The following COL5A2 variants were observed in gnomAD, a reference collection of about 807,000 sequenced individuals.
COL5A2 encodes collagen type V alpha 2 chain, also known as collagen alpha-2(V) chain.
A neutral mutation model predicts 208.2 loss-of-function variants in COL5A2; 23 were observed. That is an observed-to-expected ratio of 0.11 (90% CI 0.08 to 0.16). The LOEUF is 0.16. COL5A2 is among the 10% of genes least tolerant of loss of function. COL5A2 has a pLI of 1.00. For synonymous variants in COL5A2, 625 were observed against 628.5 expected, an observed-to-expected ratio of 0.99 and a Z score of 0.08; for missense variants, 1,590 against 1,956.4, an observed-to-expected ratio of 0.81 and a Z score of 3.53.
the COL5A2 span, among the ~76,000 whole-genome samples, chr2:189,395,530 A>C: frequency 3.9e-5 from 6 of 152,294 alleles, no homozygotes; most frequent in East Asian, 1.2e-3. Flanking sequence ...AATTTATATT[A>C]GTTAGTAATG....
chr2:189,428,252 T>TA, the COL5A2 span, among the ~76,000 whole-genome samples: 71 of 151,968 alleles, frequency 4.7e-4, 1 homozygote, highest in African/African-American at 1.7e-3. Context: ...ATCATGGGGG[T>TA]GGTTTCTCAT....
At chr2:189,040,050 T>C (rs1021161058) in intron 50 of COL5A2, among the ~76,000 whole-genome samples, 5 of 152,176 alleles carry the variant, frequency 3.3e-5, no homozygotes, top group African/African-American at 9.7e-5. Flanking sequence ...AAGAGAATTA[T>C]ACTCCTACTT....
chr2:189,390,280 A>C, the COL5A2 span, among the ~76,000 whole-genome samples: 11 of 152,198 alleles, frequency 7.2e-5, no homozygotes, highest in African/African-American at 2.4e-4. Context: ...AAAGATATAC[A>C]TAGTCACAGC....
chr2:189,092,496 T>G, intron 6 of COL5A2, 76 bp from the exon 7 acceptor site: 1 of 866,962 alleles, frequency 1.2e-6, no homozygotes, highest in Non-Finnish European at 1.9e-6. Flanking sequence ...CACAGACTTC[T>G]TAATGGCAAG....
At chr2:189,306,817 A>C in the COL5A2 span, among the ~76,000 whole-genome samples, 5 of 152,206 alleles carry the variant, frequency 3.3e-5, no homozygotes, top group Non-Finnish European at 7.3e-5. Flanking sequence ...AGAGTTTATC[A>C]CTTGCTCTTG....
intron 1 of COL5A2, among the ~76,000 whole-genome samples, chr2:189,200,936 C>T (rs1689061036): frequency 1.3e-5 from 2 of 152,014 alleles, no homozygotes; most frequent in African/African-American, 4.8e-5. Context: ...AATGTAAGTC[C>T]TTACTGGCAG....
chr2:189,289,485 T>A, the COL5A2 span, among the ~76,000 whole-genome samples: 1 of 152,090 alleles, frequency 6.6e-6, no homozygotes, highest in Non-Finnish European at 1.5e-5. Flanking sequence ...ACGACAAGGA[T>A]GCCCACTCTT....
the COL5A2 span, among the ~76,000 whole-genome samples, chr2:189,319,446 A>T: frequency 6.6e-6 from 1 of 152,232 alleles, no homozygotes; most frequent in Non-Finnish European, 1.5e-5. Flanking sequence ...CTGCACCTGG[A>T]AAATCAGGTC....
chr2:189,296,210 T>A, the COL5A2 span, among the ~76,000 whole-genome samples: 1 of 152,146 alleles, frequency 6.6e-6, no homozygotes, highest in East Asian at 1.9e-4. Context: ...TCCAATCTAC[T>A]GTTAAGGCCA....
chr2:189,367,770 G>A, the COL5A2 span, among the ~76,000 whole-genome samples: 1 of 152,150 alleles, frequency 6.6e-6, no homozygotes. Flanking sequence ...ATCTTCATGT[G>A]ACAGCAGAAA....
chr2:189,261,112 C>T, the COL5A2 span, among the ~76,000 whole-genome samples: 1 of 151,850 alleles, frequency 6.6e-6, no homozygotes, highest in South Asian at 2.1e-4. Flanking sequence ...AAAAAATTAC[C>T]GAGAATAAGA....
At chr2:189,239,420 C>A in the COL5A2 span, among the ~76,000 whole-genome samples, 3 of 151,712 alleles carry the variant, frequency 2.0e-5, no homozygotes, top group Admixed American at 2.0e-4. Flanking sequence ...TTACAAGGGG[C>A]AGAGGGAGGC....
upstream of COL5A2, among the ~76,000 whole-genome samples, chr2:189,183,084 T>C (rs1182749280): frequency 6.6e-6 from 1 of 152,178 alleles, no homozygotes; most frequent in African/African-American, 2.4e-5. Flanking sequence ...TTCCATTCCT[T>C]CTTCTTTCAG....
the COL5A2 span, among the ~76,000 whole-genome samples, chr2:189,392,627 T>C: frequency 2.0e-5 from 3 of 152,020 alleles, no homozygotes; most frequent in Non-Finnish European, 2.9e-5. Flanking sequence ...TCCCAGGCTG[T>C]AAAAAGCTTA....
chr2:189,249,676 T>C, the COL5A2 span, among the ~76,000 whole-genome samples: 1 of 152,248 alleles, frequency 6.6e-6, no homozygotes, highest in East Asian at 1.9e-4. Flanking sequence ...TTAAGGCCAG[T>C]GTAGTTATCT....
At chr2:189,311,615 A>G in the COL5A2 span, 2 of 948,110 alleles carry the variant, frequency 2.1e-6, no homozygotes, top group Non-Finnish European at 3.3e-6. Context: ...CAGATTTCTC[A>G]TAGAGTCCAG....
At chr2:189,084,213 A>AT (rs1420748512) in intron 11 of COL5A2, among the ~76,000 whole-genome samples, 176 bp from the exon 12 acceptor site, 1 of 152,218 alleles carries the variant, frequency 6.6e-6, no homozygotes, top group African/African-American at 2.4e-5. Context: ...TATATTCCTG[A>AT]TAGTACTCCA....
At chr2:189,348,811 G>A in the COL5A2 span, among the ~76,000 whole-genome samples, 1 of 152,142 alleles carries the variant, frequency 6.6e-6, no homozygotes, top group Admixed American at 6.6e-5. Context: ...GTGAGCAGCT[G>A]CATGCACATC....
chr2:189,160,554 T>C (rs1468922009), intron 1 of COL5A2, among the ~76,000 whole-genome samples: 1 of 152,186 alleles, frequency 6.6e-6, no homozygotes, highest in Non-Finnish European at 1.5e-5. Context: ...TAGGGTCCTA[T>C]AGCTCTTCTT....
Sources: allele counts gnomAD v4.1 joint callset (sites outside exome capture counted in the v4.1 genomes callset), GRCh38; gene constraint gnomAD v4.1.1; transcripts MANE v1.5; gene names NCBI Gene and HGNC (gene_info 2026-07-23, HGNC 2026-07-21).